Variants in TRAF3IP1 observed in about 807,000 individuals in gnomAD.
TRAF3IP1 encodes the protein intraflagellar transport 54, also known as TRAF3-interacting protein 1.
A neutral mutation model predicts 89.9 loss-of-function variants in TRAF3IP1; 53 were observed. The ratio of observed to expected loss-of-function variants is 0.59; its 90% confidence interval spans 0.47 to 0.74. The LOEUF (loss-of-function observed/expected upper bound fraction) is 0.74, where lower values mean the gene tolerates loss of function less well. Ranked by LOEUF, TRAF3IP1 falls within the 30% of genes least tolerant of loss-of-function variation. The pLI is 0.00. For synonymous variants in TRAF3IP1, 311 were observed against 322.1 expected, an observed-to-expected ratio of 0.97 and a Z score of 0.37; for missense variants, 806 against 866.1, an observed-to-expected ratio of 0.93 and a Z score of 0.87.
intron 15 of TRAF3IP1, among the ~76,000 whole-genome samples, chr2:238,371,319 C>T (rs540989082): frequency 6.6e-6 from 1 of 152,044 alleles, no homozygotes; most frequent in South Asian, 2.1e-4. Flanking sequence ...CAACCAAAAA[C>T]AATCCTACAA....
At chr2:238,326,179 A>G (rs1263764815) in intron 3 of TRAF3IP1, among the ~76,000 whole-genome samples, 1 of 152,234 alleles carries the variant, frequency 6.6e-6, no homozygotes. Flanking sequence ...AAATAAGGGT[A>G]TGTAATACGC....
chr2:238,320,960 C>T (rs1697503461), intron 1 of TRAF3IP1, 175 bp downstream of exon 1: 1 of 405,472 alleles, frequency 2.5e-6, no homozygotes, highest in African/African-American at 2.2e-5. Context: ...GGGTGTGGGC[C>T]GGGCTCGGGG....
chr2:238,400,089 GTTTC>G lies in TRAF3IP1; in HGVS notation c.*1178_*1181del, dbSNP rs1037518423. ...TGTGAGGATTGCCTGAAAAGGTTTT[GTTTC>G]TTTCTTTTTTTTTTTTTTTTGAGAT... On this transcript the variant is annotated 3_prime_UTR_variant, in exon 17 of 17. Transcript: ENST00000373327. The G allele has an allele frequency of 1.4e-5, 2 of 146,776 alleles. No individual in the cohort carries two copies. The highest frequency in any genetic ancestry group is 2.5e-5 in the African/African-American group (1 of 40,228). 9.1% of individuals were successfully genotyped at this position (146,776 alleles called of 1,614,324 possible).
intron 15 of TRAF3IP1, among the ~76,000 whole-genome samples, chr2:238,363,198 T>C (rs1699734378): frequency 6.6e-6 from 1 of 152,216 alleles, no homozygotes; most frequent in African/African-American, 2.4e-5. Flanking sequence ...TTCTACTCTG[T>C]TATTCCTTTT....
chr2:238,397,414 G>A (rs1701276020), intron 15 of TRAF3IP1, 45 bp from the exon 16 acceptor site: 2 of 1,582,154 alleles, frequency 1.3e-6, no homozygotes, highest in Non-Finnish European at 1.7e-6. Flanking sequence ...TTCTGCCTTT[G>A]GACTGAGGAG....
intron 14 of TRAF3IP1, among the ~76,000 whole-genome samples, chr2:238,353,764 A>G (rs1699282545): frequency 6.6e-6 from 1 of 151,696 alleles, no homozygotes; most frequent in Admixed American, 6.6e-5. Flanking sequence ...TTTTTTTGGT[A>G]TCTATATGAA....
At chr2:238,387,777 T>G (rs1322091335) in intron 15 of TRAF3IP1, among the ~76,000 whole-genome samples, 3 of 152,244 alleles carry the variant, frequency 2.0e-5, no homozygotes, top group Middle Eastern at 3.2e-3. Context: ...GTAACATGGT[T>G]GATTCTTAAA....
intron 8 of TRAF3IP1, among the ~76,000 whole-genome samples, chr2:238,344,253 A>C (rs1399143304): frequency 1.3e-5 from 2 of 152,114 alleles, no homozygotes; most frequent in Admixed American, 1.3e-4. Context: ...TCCTGGCCTG[A>C]GTAGACCAAG....
At chr2:238,387,214 C>G (rs1348257942) in intron 15 of TRAF3IP1, among the ~76,000 whole-genome samples, 3 of 152,328 alleles carry the variant, frequency 2.0e-5, no homozygotes, top group African/African-American at 7.2e-5. Context: ...TAGCCCTCAT[C>G]CTGTCCAGCT....
intron 7 of TRAF3IP1, among the ~76,000 whole-genome samples, chr2:238,335,462 T>C (rs1698339014): frequency 6.6e-6 from 1 of 152,190 alleles, no homozygotes; most frequent in Non-Finnish European, 1.5e-5. Flanking sequence ...TTCCACTTTT[T>C]TATTTTTACT....
At chr2:238,338,310 AAC>A (rs1698479577) in intron 7 of TRAF3IP1, 50 bp from the exon 8 acceptor site, 2 of 1,181,162 alleles carry the variant, frequency 1.7e-6, no homozygotes, top group South Asian at 1.5e-5. Context: ...AAAACAACCA[AAC>A]ACAAAATCTT....
At chr2:238,331,599 T>C (rs1574898371) in intron 5 of TRAF3IP1, among the ~76,000 whole-genome samples, 1 of 152,188 alleles carries the variant, frequency 6.6e-6, no homozygotes, top group African/African-American at 2.4e-5. Context: ...TTTTTCCTAC[T>C]CGAGGCTGTT....
chr2:238,321,932 T>C (rs1339384008), intron 1 of TRAF3IP1, among the ~76,000 whole-genome samples: 1 of 152,226 alleles, frequency 6.6e-6, no homozygotes, highest in African/African-American at 2.4e-5. Flanking sequence ...CTACCTTAGC[T>C]TATAACGTGT....
chr2:238,363,194 T>C (rs958003588), intron 15 of TRAF3IP1, among the ~76,000 whole-genome samples: 2 of 152,218 alleles, frequency 1.3e-5, no homozygotes, highest in Non-Finnish European at 2.9e-5. Flanking sequence ...TAATTTCTAC[T>C]CTGTTATTCC....
intron 15 of TRAF3IP1, among the ~76,000 whole-genome samples, chr2:238,356,709 C>T (rs984876479): frequency 1.3e-5 from 2 of 152,130 alleles, no homozygotes; most frequent in Non-Finnish European, 2.9e-5. Context: ...TCCCTTCTCC[C>T]AGGTCCTGTT....
chr2:238,366,480 A>T (rs980494531), intron 15 of TRAF3IP1, among the ~76,000 whole-genome samples: 2 of 152,138 alleles, frequency 1.3e-5, no homozygotes, highest in Non-Finnish European at 2.9e-5. Context: ...ACTTAAGAAA[A>T]CTGTATTATA....
At chr2:238,384,067 G>C (rs911586586) in intron 15 of TRAF3IP1, among the ~76,000 whole-genome samples, 8 of 151,398 alleles carry the variant, frequency 5.3e-5, no homozygotes, top group East Asian at 3.9e-4. Context: ...GTCTTGCAGG[G>C]CCCCCCCCAT....
chr2:238,367,733 A>G (rs1262824608), intron 15 of TRAF3IP1, among the ~76,000 whole-genome samples: 1 of 152,074 alleles, frequency 6.6e-6, no homozygotes, highest in African/African-American at 2.4e-5. Context: ...ATTGAGGCTT[A>G]GGAGAGTCTC....
intron 8 of TRAF3IP1, among the ~76,000 whole-genome samples, chr2:238,343,004 G>C (rs954852694): frequency 4.6e-5 from 7 of 152,012 alleles, no homozygotes; most frequent in Non-Finnish European, 1.0e-4. Flanking sequence ...TTTTAGAGTG[G>C]TAGGTCCTTT....
Sources: allele counts gnomAD v4.1 joint callset (sites outside exome capture counted in the v4.1 genomes callset), GRCh38; gene constraint gnomAD v4.1.1; transcripts MANE v1.5; gene names NCBI Gene and HGNC (gene_info 2026-07-23, HGNC 2026-07-21).